ZNF395: variants seen among roughly 807,000 people sequenced by gnomAD.
ZNF395 encodes HD gene regulatory region-binding protein 2.
ZNF395 carries 20 observed loss-of-function variants against 57.7 expected under a neutral mutation model. The ratio of observed to expected loss-of-function variants is 0.35; its 90% CI spans 0.24 to 0.50. The LOEUF is 0.50. Among genes scored for constraint, ZNF395 ranks in the 20% least tolerant of loss-of-function variants. ZNF395 has a pLI of 0.97. For synonymous variants in ZNF395, 295 were observed against 275.9 expected (o/e 1.07, Z -0.69); for missense variants, 606 against 671.2 (o/e 0.90, Z 1.07).
intron 1 of ZNF395, among the ~76,000 whole-genome samples, chr8:28,384,114 C>T (rs1363500461): frequency 1.3e-5 from 2 of 152,134 alleles, no homozygotes; most frequent in East Asian, 3.9e-4. Flanking sequence ...ACTCCAACAG[C>T]CTGCTCACTG....
intron 1 of ZNF395, among the ~76,000 whole-genome samples, chr8:28,364,896 G>A (rs777325820): frequency 6.6e-5 from 10 of 152,154 alleles, no homozygotes; most frequent in Non-Finnish European, 1.3e-4. Flanking sequence ...AAAGGTCAAC[G>A]CTTTAATCTG....
intron 4 of ZNF395, among the ~76,000 whole-genome samples, chr8:28,353,813 C>A (rs977340796): frequency 1.2e-4 from 18 of 152,136 alleles, no homozygotes; most frequent in Non-Finnish European, 2.4e-4. Context: ...GGGGGAAGGG[C>A]AAAGCCTCTG....
intron 9 of ZNF395, 141 bp from the exon 10 acceptor site, chr8:28,348,971 G>T: frequency 8.6e-7 from 1 of 1,159,046 alleles, no homozygotes; most frequent in Non-Finnish European, 1.3e-6. Context: ...CAGAGGCTCT[G>T]AGGACCAAAC....
At position 28,351,622 on chromosome 8, in the gene ZNF395, G is replaced by T; in HGVS notation, c.1106C>A (p.Pro369Gln). The T allele has an allele frequency of 6.2e-7, 1 of 1,613,668 alleles. No homozygotes were observed. The highest frequency in any genetic ancestry group is 8.5e-7 in the Non-Finnish European group (1 of 1,180,018). The change falls in exon 7 of 10, where the codon CCA becomes CAA. Residue 369 changes from proline to glutamine, a missense_variant. Pro to Gln is a moderately conservative substitution (Grantham distance 76). This residue lies in a region of ZNF395 where 261 missense variants were observed against 240.3 expected (regional missense o/e 1.09). Transcript: ENST00000344423. ...GGAGGACTGGGCTTTGTGCAGAGGT[G>T]GTGGAAGAGCAGACAGAGGCAGGCC... Reference protein sequence around the residue: ...MTGLPLSALPPPLHKAQSSGP... With the variant: ...MTGLPLSALPQPLHKAQSSGP...
At chr8:28,368,022 T>C (rs1484338414) in intron 1 of ZNF395, among the ~76,000 whole-genome samples, 1 of 152,152 alleles carries the variant, frequency 6.6e-6, no homozygotes. Flanking sequence ...TTTTTGTAAA[T>C]GCATGGGGCG....
rs1252276603 is a variant in ZNF395, at chr8:28,351,590, C to T, written c.1138G>A (p.Glu380Lys). 1 of 1,613,760 alleles carries T rather than the reference C, an allele frequency of 6.2e-7. No individual in the cohort carries two copies. Among genetic ancestry groups the T allele is most frequent in the Non-Finnish European group, 8.5e-7 (1 of 1,180,008 alleles). The change falls in exon 7 of 10, where the codon GAA becomes AAA. Residue 380 changes from glutamate (E) to lysine (K), a missense_variant. By Grantham distance (56) the Glu-to-Lys change is moderately conservative (BLOSUM62 1). Around this residue, in one of 3 missense-constraint regions of ZNF395, gnomAD observed 261 missense variants for 240.3 expected, o/e 1.09. Coordinates refer to ENST00000344423, the MANE Select transcript of ZNF395 (RefSeq NM_018660.3). ...PLHKAQSSGPEHPGPESSLPS... is the reference protein window; with the variant it reads ...PLHKAQSSGPKHPGPESSLPS... ...AGGGAGGACTCCGGGCCAGGATGTT[C>T]TGGGCCGGAGGACTGGGCTTTGTGC... is the stretch of plus-strand genomic sequence containing the variant.
rs1369880698 is a variant in ZNF395 at position 28,352,950 on chromosome 8, A to G, written c.819+223T>C. Among the ~76,000 whole-genome samples, 1 of 152,220 alleles carries G rather than the reference A, an allele frequency of 6.6e-6. No individual in the cohort carries two copies. The highest frequency in any genetic ancestry group is 2.1e-4 in the South Asian group (1 of 4,834). On this transcript the variant is annotated intron_variant, in intron 5 of 9. Coordinates refer to ENST00000344423, the MANE Select transcript of ZNF395 (RefSeq NM_018660.3). The surrounding 1 kb of genome is among the most constrained non-coding windows in gnomAD (Gnocchi z 4.0). ...GACCTCTGCAGAAACACAGGAAAGA[A>G]GGCAGGGATTGGGGTGGAGGCTAAA...
rs58805614 is a variant in ZNF395, at chr8:28,348,259, CTTTTTTTTTTTTTT to C, written c.*446_*459del. On this transcript the variant is annotated 3_prime_UTR_variant, in exon 10 of 10. Transcript: ENST00000344423. Reference sequence around the variant, plus strand: ...CTGAGTCACCCATCAGCCAGAAACTCTTTTTTTTTTTTTTTTTTTTTTTTTTTAAGAAAAGTAAA... The same window carrying C: ...CTGAGTCACCCATCAGCCAGAAACTCTTTTTTTTTTTTTAAGAAAAGTAAA... The C allele has an allele frequency of 4.4e-5, 4 of 90,448 alleles. No homozygotes were observed. The highest frequency in any genetic ancestry group is 6.3e-5 in the Non-Finnish European group (3 of 47,486). 5.6% of individuals were successfully genotyped at this position (90,448 alleles called of 1,614,324 possible).
At chr8:28,360,316 C>A (rs1458955141) in intron 2 of ZNF395, among the ~76,000 whole-genome samples, 1 of 152,210 alleles carries the variant, frequency 6.6e-6, no homozygotes, top group Non-Finnish European at 1.5e-5. Context: ...GAGGCACAAG[C>A]CTTGGCAGGG....
chr8:28,384,533 C>T (rs2130004743), intron 1 of ZNF395, among the ~76,000 whole-genome samples: 1 of 152,328 alleles, frequency 6.6e-6, no homozygotes, highest in Non-Finnish European at 1.5e-5. Context: ...ATCCTTCTGT[C>T]CCCTCTATGA....
At chr8:28,363,116 T>G (rs192375167) in intron 1 of ZNF395, among the ~76,000 whole-genome samples, 6 of 150,432 alleles carry the variant, frequency 4.0e-5, no homozygotes, top group Admixed American at 2.0e-4. Flanking sequence ...AATTGGTTGT[T>G]TTTTTTTTGT....
intron 1 of ZNF395, among the ~76,000 whole-genome samples, chr8:28,366,491 A>T (rs1383175111): frequency 1.3e-5 from 2 of 152,150 alleles, no homozygotes; most frequent in Non-Finnish European, 2.9e-5. Context: ...GGATCGTCTG[A>T]GCTCTAAATA....
At chr8:28,369,645 C>A (rs556770372) in intron 1 of ZNF395, among the ~76,000 whole-genome samples, 1 of 152,346 alleles carries the variant, frequency 6.6e-6, no homozygotes, top group Non-Finnish European at 1.5e-5. Flanking sequence ...TTCCCCCAAG[C>A]CTGAATCTCA....
In ZNF395 at chr8:28,352,592, C is replaced by A. The variant is rs138715385; in HGVS notation, c.901G>T (p.Val301Phe). ...ACATACCCCAGATGGAGGGCTTTGA[C>A]GTGTCGTTTGATGCCCACAATGGAG... ...LRSIVGIKRHVKALHLGDTVD... is the reference protein window; with the variant it reads ...LRSIVGIKRHFKALHLGDTVD... Residue 301 changes from valine to phenylalanine, a missense_variant, in exon 6 of 10, where the codon GTC (valine) becomes TTC (phenylalanine). Val to Phe is a conservative substitution (Grantham distance 50, BLOSUM62 -1). Transcript: ENST00000344423. The surrounding 1 kb of genome is among the most constrained non-coding windows in gnomAD (Gnocchi z 4.0). The A allele has an allele frequency of 6.2e-7, 1 of 1,614,186 alleles. No homozygotes were observed. Among genetic ancestry groups the A allele is most frequent in the East Asian group, 2.2e-5 (1 of 44,878 alleles).
intron 1 of ZNF395, among the ~76,000 whole-genome samples, chr8:28,374,942 A>G (rs777582979): frequency 2.6e-5 from 4 of 152,202 alleles, no homozygotes; most frequent in South Asian, 2.1e-4. Flanking sequence ...CCCTGAGCTA[A>G]TGAGAAAAAA....
chr8:28,354,090 T>C lies in ZNF395; in HGVS notation c.584-682A>G, dbSNP rs749044182. Among the ~76,000 whole-genome samples the C allele has an allele frequency of 1.9e-4, 29 of 152,146 alleles. 1 individual carries two copies. The highest frequency in any genetic ancestry group is 1.3e-3 in the Admixed American group (20 of 15,282). ...TGCTTTAATCAAGAAGTAACATGTT[T>C]GGAGGAGGAAAGACAAGCTCTGCGA... is the stretch of plus-strand genomic sequence containing the variant. On this transcript the variant is annotated intron_variant, in intron 4 of 9. Transcript: ENST00000344423.
intron 3 of ZNF395, among the ~76,000 whole-genome samples, chr8:28,358,142 CTTTTT>C (rs1166965241): frequency 8.2e-6 from 1 of 121,456 alleles, no homozygotes; most frequent in East Asian, 2.4e-4. Context: ...GGGTTTTTTT[CTTTTT>C]TTTCTTTTTT....
chr8:28,349,084 C>T, intron 9 of ZNF395, 41 bp downstream of exon 9: 1 of 1,544,548 alleles, frequency 6.5e-7, no homozygotes, highest in Non-Finnish European at 8.8e-7. Flanking sequence ...GGAGACAGGG[C>T]ACAGAAACCA....
intron 1 of ZNF395, among the ~76,000 whole-genome samples, chr8:28,380,510 C>G (rs1802096526): frequency 6.6e-6 from 1 of 152,182 alleles, no homozygotes; most frequent in Non-Finnish European, 1.5e-5. Flanking sequence ...AGAATAGAAC[C>G]CTACTGTACT....
Sources: allele counts gnomAD v4.1 joint callset (sites outside exome capture counted in the v4.1 genomes callset), GRCh38; gene constraint gnomAD v4.1.1; regional missense constraint gnomAD v4.1.1; non-coding constraint Gnocchi (gnomAD v3.1); transcripts MANE v1.5; gene names NCBI Gene and HGNC (gene_info 2026-07-23, HGNC 2026-07-21).